The following PRKN variants were observed in gnomAD, a reference collection of about 807,000 sequenced individuals.
The protein encoded by PRKN is E3 ubiquitin-protein ligase parkin.
In PRKN, 56 loss-of-function variants were observed where a neutral mutation model predicts 59.5. The ratio of observed to expected loss-of-function variants is 0.94; its 90% confidence interval spans 0.76 to 1.18. PRKN has a LOEUF of 1.18. Among genes scored for constraint, PRKN ranks in the 50% most tolerant of loss-of-function variants. The pLI is 0.00. For missense variants in PRKN, 657 were observed against 596.4 expected (o/e 1.10, Z -1.06); for synonymous variants, 250 against 222.1 (o/e 1.13, Z -1.12).
intron 1 of PRKN, among the ~76,000 whole-genome samples, chr6:162,648,069 T>G (rs931087321): frequency 2.6e-5 from 4 of 151,546 alleles, no homozygotes; most frequent in African/African-American, 9.7e-5. Context: ...AGGTCACAAT[T>G]TATTATAAAT....
intron 1 of PRKN, among the ~76,000 whole-genome samples, chr6:162,691,307 T>A (rs1777765979): frequency 1.3e-5 from 2 of 152,272 alleles, no homozygotes; most frequent in South Asian, 4.1e-4. Context: ...TAGAACAAAA[T>A]ATTTCAACTA....
chr6:161,782,360 C>T (rs748925975), intron 7 of PRKN, among the ~76,000 whole-genome samples: 12 of 151,934 alleles, frequency 7.9e-5, no homozygotes, highest in African/African-American at 9.7e-5. Flanking sequence ...CACATCTATA[C>T]CATTTTTGAT....
intron 1 of PRKN, among the ~76,000 whole-genome samples, chr6:162,725,922 A>G (rs749201904): frequency 2.6e-5 from 4 of 152,198 alleles, no homozygotes; most frequent in Non-Finnish European, 4.4e-5. Flanking sequence ...TGTACTGCAC[A>G]CTTATTTGCA....
At chr6:162,311,228 T>G (rs541861799) in intron 2 of PRKN, among the ~76,000 whole-genome samples, 4 of 152,254 alleles carry the variant, frequency 2.6e-5, no homozygotes, top group Admixed American at 2.6e-4. Context: ...AGAATAGATT[T>G]GTTAAAATAT....
intron 7 of PRKN, among the ~76,000 whole-genome samples, chr6:161,572,619 C>T (rs566853212): frequency 2.6e-4 from 39 of 152,044 alleles, no homozygotes; most frequent in Non-Finnish European, 4.6e-4. Flanking sequence ...GAAATTGTGC[C>T]AATGCACTCC....
intron 1 of PRKN, among the ~76,000 whole-genome samples, chr6:162,516,613 A>T (rs113970780): frequency 6.6e-5 from 10 of 151,860 alleles, no homozygotes; most frequent in African/African-American, 2.4e-4. Context: ...TTAGCTGAGC[A>T]TGGTGGTGCA....
At position 161,419,305 on chromosome 6, in the gene PRKN, A is replaced by G. The variant is rs959033081; in HGVS notation, c.1084-32428T>C. Among the ~76,000 whole-genome samples, 3 of 152,176 alleles carry G rather than the reference A, an allele frequency of 2.0e-5. No homozygotes were observed. The highest frequency in any genetic ancestry group is 2.4e-5 in the African/African-American group (1 of 41,426). ...TGCGCCACAGTGGTAGAAAGTGACC[A>G]ACTAGCAGTCAACCAGGAGATTTTT... On this transcript the variant is annotated intron_variant, in intron 9 of 11. Coordinates refer to ENST00000366898, the MANE Select transcript of PRKN (RefSeq NM_004562.3). The surrounding 1 kb of genome is among the most constrained non-coding windows in gnomAD (Gnocchi z 4.1).
chr6:162,589,609 CAT>C (rs1781219524), intron 1 of PRKN, among the ~76,000 whole-genome samples: 1 of 152,024 alleles, frequency 6.6e-6, no homozygotes, highest in African/African-American at 2.4e-5. Flanking sequence ...ATTCAAAACA[CAT>C]CTTTTCATGG....
Position 162,363,454 on chromosome 6 carries a change from AAT to A in PRKN, c.171+79854_171+79855del, listed in dbSNP as rs1416275098. 4.6e-5 allele frequency among the ~76,000 whole-genome samples: 7 copies of A among 152,196 alleles called. No homozygotes were observed. In the East Asian group the frequency reaches 5.8e-4, roughly 13 times the overall value. ...ATATACCTCCATTTAGTAGCTAATAAATATGTCTATTTGAAAACTATTTATTC... is the reference window on the plus strand; with the variant it reads ...ATATACCTCCATTTAGTAGCTAATAAATGTCTATTTGAAAACTATTTATTC... On this transcript the variant is annotated intron_variant, in intron 2 of 11. Coordinates refer to ENST00000366898, the MANE Select transcript of PRKN (RefSeq NM_004562.3).
intron 2 of PRKN, among the ~76,000 whole-genome samples, chr6:162,319,074 C>A (rs9456766): frequency 0.61 from 93,156 of 151,728 alleles, 29,020 homozygotes; most frequent in East Asian, 0.72. Context: ...AGTCTTCATC[C>A]TTGGCACTCA....
At chr6:161,737,185 G>A (rs1787998982) in intron 7 of PRKN, among the ~76,000 whole-genome samples, 1 of 152,210 alleles carries the variant, frequency 6.6e-6, no homozygotes, top group Non-Finnish European at 1.5e-5. Context: ...CTGACGGCGA[G>A]GTCCAGGCAC....
In PRKN at chr6:161,614,994, AG is replaced by A. The variant is rs1562560676; in HGVS notation, c.872-45579del. Reference sequence around the variant, plus strand: ...GAGAGAGAGAGAGAGAGAGAGAGAGAGAGAGAACACTGAAACTGTATATTTC... The same window carrying A: ...GAGAGAGAGAGAGAGAGAGAGAGAGAAGAGAACACTGAAACTGTATATTTC... On this transcript the variant is annotated intron_variant, in intron 7 of 11. Coordinates refer to ENST00000366898, the MANE Select transcript of PRKN (RefSeq NM_004562.3). Among the ~76,000 whole-genome samples, 624 of 148,982 alleles carry A rather than the reference AG, an allele frequency of 4.2e-3. 4 individuals are homozygous for A. Among genetic ancestry groups the A allele is most frequent in the African/African-American group, 0.015 (597 of 40,546 alleles).
At position 161,377,366 on chromosome 6, in the gene PRKN, C is replaced by A. The variant is rs991344198; in HGVS notation, c.1167+9428G>T. ...CCGTGCCATCCACACCGTGGCATGACTGCCTCTCCTTGGGCTCACAACCAT... is the reference window on the plus strand; with the variant it reads ...CCGTGCCATCCACACCGTGGCATGAATGCCTCTCCTTGGGCTCACAACCAT... On this transcript the variant is annotated intron_variant, in intron 10 of 11. Coordinates refer to ENST00000366898, the MANE Select transcript of PRKN (RefSeq NM_004562.3). The surrounding 1 kb of genome is among the most constrained non-coding windows in gnomAD (Gnocchi z 4.2). 2.0e-5 allele frequency among the ~76,000 whole-genome samples: 3 copies of A among 152,266 alleles called. No homozygotes were observed. Among genetic ancestry groups the A allele is most frequent in the East Asian group, 3.9e-4 (2 of 5,192 alleles).
intron 2 of PRKN, among the ~76,000 whole-genome samples, chr6:162,307,376 G>T (rs1782279643): frequency 6.6e-6 from 1 of 150,584 alleles, no homozygotes; most frequent in Non-Finnish European, 1.5e-5. Flanking sequence ...CTCCAGCCTG[G>T]GCGGCAAAGA....
At chr6:162,179,551 G>C (rs1326422328) in intron 4 of PRKN, among the ~76,000 whole-genome samples, 2 of 152,166 alleles carry the variant, frequency 1.3e-5, no homozygotes. Context: ...AAAAATGTGG[G>C]TAACTGAGTT....
At chr6:162,389,138 T>C (rs543503898) in intron 2 of PRKN, among the ~76,000 whole-genome samples, 1 of 151,844 alleles carries the variant, frequency 6.6e-6, no homozygotes, top group East Asian at 2.0e-4. Context: ...CCTGCCAAAG[T>C]GCAGGCTAGT....
At chr6:162,655,976 A>T (rs1025833807) in intron 1 of PRKN, among the ~76,000 whole-genome samples, 1 of 152,184 alleles carries the variant, frequency 6.6e-6, no homozygotes, top group Non-Finnish European at 1.5e-5. Context: ...CTCATTTCAG[A>T]TTAACAACCC....
At chr6:161,953,402 G>A (rs1050313189) in intron 6 of PRKN, among the ~76,000 whole-genome samples, 5 of 152,198 alleles carry the variant, frequency 3.3e-5, no homozygotes, top group African/African-American at 1.2e-4. Flanking sequence ...GAGCCACTGT[G>A]CCTGGCCCAA....
chr6:161,574,351 A>G (rs1259001053), intron 7 of PRKN, among the ~76,000 whole-genome samples: 1 of 152,144 alleles, frequency 6.6e-6, no homozygotes, highest in Non-Finnish European at 1.5e-5. Context: ...TAAAAACCAC[A>G]GTACTACTTC....
Sources: gnomAD v4.1 joint callset for allele counts (sites outside exome capture counted in the v4.1 genomes callset) on GRCh38, gnomAD v4.1.1 for gene constraint, Gnocchi (gnomAD v3.1) non-coding constraint, MANE v1.5 for transcripts, NCBI Gene and HGNC (gene_info 2026-07-23, HGNC 2026-07-21) for gene names.